Variants in COMMD6 observed in about 807,000 individuals in gnomAD.
The protein encoded by COMMD6 is COMM domain containing 6.
COMMD6 carries 11 observed loss-of-function variants against 13.4 expected under a neutral mutation model. The ratio of observed to expected loss-of-function variants is 0.82; its 90% CI spans 0.52 to 1.36. The LOEUF is 1.36. Ranked by LOEUF, COMMD6 falls within the 40% of genes most tolerant of loss-of-function variation. The probability of loss-of-function intolerance (pLI) is 0.00; values close to 1 mark genes in which losing one functional copy is unlikely to be tolerated. For synonymous variants in COMMD6, 43 were observed against 36.5 expected, an observed-to-expected ratio of 1.18 and a Z score of -0.64; for missense variants, 124 against 102.4, an observed-to-expected ratio of 1.21 and a Z score of -0.91.
intron 2 of COMMD6, among the ~76,000 whole-genome samples, chr13:75,533,731 T>C (rs1234371566): frequency 6.6e-6 from 1 of 152,148 alleles, no homozygotes; most frequent in Non-Finnish European, 1.5e-5. Context: ...GATGATTGCC[T>C]ACAAGATACA....
At chr13:75,548,971 C>T (rs1290693433) in intron 1 of COMMD6, among the ~76,000 whole-genome samples, 1 of 152,186 alleles carries the variant, frequency 6.6e-6, no homozygotes, top group Non-Finnish European at 1.5e-5. Context: ...CTTCACAGCA[C>T]CTTCCTCTCT....
intron 2 of COMMD6, chr13:75,537,272 A>C (rs1455515367): frequency 6.7e-7 from 1 of 1,490,340 alleles, no homozygotes; most frequent in Non-Finnish European, 9.0e-7. Context: ...ATACTCTAAA[A>C]GGCTAAAATG....
At chr13:75,544,191 C>T (rs1170249824) in intron 1 of COMMD6, among the ~76,000 whole-genome samples, 1 of 152,098 alleles carries the variant, frequency 6.6e-6, no homozygotes, top group African/African-American at 2.4e-5. Context: ...GATCACTAAT[C>T]CTATAATCAT....
At chr13:75,527,431 T>G (rs1004487080) in intron 3 of COMMD6, among the ~76,000 whole-genome samples, 1 of 152,202 alleles carries the variant, frequency 6.6e-6, no homozygotes, top group Non-Finnish European at 1.5e-5. Context: ...GTTCAAAATT[T>G]TAGTTATCAA....
At chr13:75,528,741 C>T (rs1486931700) in intron 3 of COMMD6, among the ~76,000 whole-genome samples, 1 of 151,872 alleles carries the variant, frequency 6.6e-6, no homozygotes, top group Non-Finnish European at 1.5e-5. Flanking sequence ...ACTCAGGAAG[C>T]TGAGGCAGGA....
At chr13:75,538,573 C>T (rs1293125365), upstream of COMMD6, among the ~76,000 whole-genome samples, 2 of 152,132 alleles carry the variant, frequency 1.3e-5, no homozygotes, top group Non-Finnish European at 2.9e-5. Context: ...AAGGATGATA[C>T]TTCACTCCTA....
At chr13:75,531,336 A>C (rs953661107) in intron 2 of COMMD6, among the ~76,000 whole-genome samples, 6 of 152,184 alleles carry the variant, frequency 3.9e-5, no homozygotes, top group Admixed American at 3.3e-4. Context: ...ATCAACCATA[A>C]AAGTTATATA....
intron 2 of COMMD6, among the ~76,000 whole-genome samples, chr13:75,532,475 A>C (rs1444312674): frequency 6.6e-6 from 1 of 152,258 alleles, no homozygotes; most frequent in African/African-American, 2.4e-5. Flanking sequence ...TAAATGCTTA[A>C]TAAATATTGG....
intron 1 of COMMD6, among the ~76,000 whole-genome samples, chr13:75,546,373 A>G (rs1360055002): frequency 1.3e-5 from 2 of 152,234 alleles, no homozygotes; most frequent in Non-Finnish European, 1.5e-5. Context: ...CTTTGAGTAG[A>G]TAAGTTACTC....
At chr13:75,537,612 G>A (rs935863752) in intron 2 of COMMD6, 52 bp downstream of exon 2, 101 of 1,612,960 alleles carry the variant, frequency 6.3e-5, no homozygotes, top group Middle Eastern at 1.8e-4. Flanking sequence ...ACGGCCTCGC[G>A]GCCGTGGGAG....
At position 75,526,513 on chromosome 13, in the gene COMMD6, CTTAT is replaced by C. The variant is rs764139494; in HGVS notation, c.*72_*75del. 38 of 947,208 alleles carry C rather than the reference CTTAT, an allele frequency of 4.0e-5. No homozygotes were observed. The highest frequency in any genetic ancestry group is 6.0e-5 in the Non-Finnish European group (37 of 620,018). The allele number at this position is 947,208 out of a possible 1,614,324, so 58.7% of individuals were successfully genotyped here. On this transcript the variant is annotated 3_prime_UTR_variant, in exon 4 of 4. Transcript: ENST00000682242. ...TTTTTCATTCAATAAATGTTCCATC[CTTAT>C]TTAGTTTTGTTGCCGAAAGTGAAGT...
intron 3 of COMMD6, chr13:75,527,875 A>T (rs984281614): frequency 6.7e-7 from 1 of 1,500,624 alleles, no homozygotes. Context: ...GGGAAATGTT[A>T]GTAAAAAGGT....
At chr13:75,537,419 G>C in intron 2 of COMMD6, 1 of 1,551,234 alleles carries the variant, frequency 6.4e-7, no homozygotes. Flanking sequence ...CCTAATCAAA[G>C]CCCAACAATC....
chr13:75,533,352 A>G (rs918822296), intron 2 of COMMD6, among the ~76,000 whole-genome samples: 2 of 152,222 alleles, frequency 1.3e-5, no homozygotes, highest in East Asian at 1.9e-4. Flanking sequence ...GGATCACTTG[A>G]GTGCAGGGGT....
upstream of COMMD6, among the ~76,000 whole-genome samples, chr13:75,540,817 A>T (rs144424042): frequency 1.4e-3 from 213 of 152,376 alleles, 1 homozygote; most frequent in African/African-American, 4.9e-3. Context: ...TAGTACTATC[A>T]CATGCATAGG....
At chr13:75,532,007 TCA>T (rs1165749945) in intron 2 of COMMD6, among the ~76,000 whole-genome samples, 5 of 152,244 alleles carry the variant, frequency 3.3e-5, no homozygotes, top group East Asian at 1.9e-4. Context: ...AAAATGAACT[TCA>T]ATTACACGTA....
At position 75,526,642 on chromosome 13, in the gene COMMD6, G is replaced by A. The variant is rs372937608; in HGVS notation, c.208-3C>T. 4.4e-6 allele frequency: 7 copies of A among 1,592,798 alleles called. No individual in the cohort carries two copies. In the South Asian group the frequency reaches 6.8e-5, roughly 15 times the overall value. On this transcript the variant is annotated splice_polypyrimidine_tract_variant and splice_region_variant and intron_variant, in intron 3 of 3. Transcript: ENST00000682242. The stretch of plus-strand genomic sequence containing the variant: ...TCCTTGAACTGTCTGTAGAAATTCT[G>A]GAGAGAAAGGGGGAAAATAATATTA...
At chr13:75,543,775 G>T (rs2030860057), upstream of COMMD6, among the ~76,000 whole-genome samples, 1 of 152,178 alleles carries the variant, frequency 6.6e-6, no homozygotes, top group Non-Finnish European at 1.5e-5. Context: ...TCTGAACATA[G>T]TAAGTGCTGA....
intron 3 of COMMD6, among the ~76,000 whole-genome samples, chr13:75,529,461 C>T (rs1458127941): frequency 6.8e-6 from 1 of 146,504 alleles, no homozygotes; most frequent in Non-Finnish European, 1.5e-5. Flanking sequence ...GCAGAGCTTG[C>T]AGTGAGCCAA....
Sources: gnomAD v4.1 joint callset for allele counts (sites outside exome capture counted in the v4.1 genomes callset) on GRCh38, gnomAD v4.1.1 for gene constraint, MANE v1.5 for transcripts, NCBI Gene and HGNC (gene_info 2026-07-23, HGNC 2026-07-21) for gene names.